Variants in STAT3 observed in about 807,000 individuals in gnomAD.
STAT3 encodes the protein signal transducer and activator of transcription 3.
STAT3 carries 7 observed loss-of-function variants against 114.3 expected under a neutral mutation model. That is an observed-to-expected ratio of 0.06 (90% CI 0.03 to 0.11). STAT3 has a LOEUF of 0.11. Ranked by LOEUF, STAT3 falls within the 10% of genes least tolerant of loss-of-function variation. The pLI is 1.00. For synonymous variants in STAT3, 331 were observed against 354.5 expected (o/e 0.93, Z 0.74); for missense variants, 364 against 960.9 (o/e 0.38, Z 8.21).
At chr17:42,322,558 GCCCATTTTTTCTTT>G (rs1268610425) in intron 20 of STAT3, 64 bp from the exon 21 acceptor site, 1 of 1,579,982 alleles carries the variant, frequency 6.3e-7, no homozygotes, top group Non-Finnish European at 8.7e-7. Context: ...AGAGAAAACT[GCCCATTTTTTCTTT>G]CCTCGAAGGG....
At chr17:42,320,130 C>T (rs1357954127) in intron 21 of STAT3, among the ~76,000 whole-genome samples, 2 of 152,108 alleles carry the variant, frequency 1.3e-5, no homozygotes, top group Non-Finnish European at 2.9e-5. Flanking sequence ...GTGGCAGGGG[C>T]TGATAAACAG....
At chr17:42,345,324 C>T in intron 4 of STAT3, 1 of 499,282 alleles carries the variant, frequency 2.0e-6, no homozygotes, top group Non-Finnish European at 3.5e-6. Context: ...AACTTTTAAA[C>T]CATTGGGTCT....
chr17:42,315,481 C>T lies in STAT3; in HGVS notation c.*264G>A. 1 of 579,500 alleles carries T rather than the reference C, an allele frequency of 1.7e-6. No homozygotes were observed. Among genetic ancestry groups the T allele is most frequent in the South Asian group, 2.0e-5 (1 of 49,438 alleles). The allele number at this position is 579,500 out of a possible 1,614,324, so 35.9% of individuals were successfully genotyped here. A position where few individuals can be genotyped will look rare whatever the true frequency, so the allele number is the denominator to read the frequency against. On this transcript the variant is annotated 3_prime_UTR_variant, in exon 24 of 24. Transcript: ENST00000264657. ...CATTTCCTTTTTCTCCCTCTAGCCA[C>T]CCCCCGCCACATCCCCTGATCATGG...
intron 1 of STAT3, among the ~76,000 whole-genome samples, chr17:42,380,367 C>T (rs2084712229): frequency 6.6e-6 from 1 of 150,574 alleles, no homozygotes; most frequent in South Asian, 2.1e-4. Flanking sequence ...ATAAGCGTTA[C>T]CACCCTAATT....
At chr17:42,381,166 C>CT (rs1329469748) in intron 1 of STAT3, among the ~76,000 whole-genome samples, 1 of 152,142 alleles carries the variant, frequency 6.6e-6, no homozygotes, top group Admixed American at 6.6e-5. Context: ...CTTTTAACTG[C>CT]TATAGTAACT....
intron 1 of STAT3, among the ~76,000 whole-genome samples, chr17:42,369,249 T>G (rs2083971746): frequency 6.6e-6 from 1 of 152,070 alleles, no homozygotes; most frequent in African/African-American, 2.4e-5. Context: ...TCCCAGCTAC[T>G]CGGGAGGCTG....
Position 42,333,606 on chromosome 17 carries a change from C to T in STAT3, c.1049+67G>A. ...TGGAAAGAATGACCCTGGCCACCAA[C>T]TCTACCCTCACCCTAACAGTGTCCC... On this transcript the variant is annotated intron_variant, in intron 10 of 23. Transcript: ENST00000264657. The surrounding 1 kb of genome is among the most constrained non-coding windows in gnomAD (Gnocchi z 5.2). The T allele has an allele frequency of 1.3e-6, 2 of 1,580,856 alleles. No individual in the cohort carries two copies. Among genetic ancestry groups the T allele is most frequent in the Non-Finnish European group, 1.7e-6 (2 of 1,151,746 alleles).
rs1191155817 is a variant in STAT3, at chr17:42,323,020, C to A, written c.1872G>T (p.Val624=). Residue 624 remains valine (V), a synonymous_variant, in exon 20 of 24, where the codon GTG becomes GTT. Transcript: ENST00000264657. ...SKEGGVTFTW[V]EKDISGKTQI... is the part of the protein sequence containing the mutation. ...CTCCCTTACCGCTGATGTCCTTCTC[C>A]ACCCAAGTGAAAGTGACGCCTCCTT... 1 of 1,613,962 alleles carries A rather than the reference C, an allele frequency of 6.2e-7. No individual in the cohort carries two copies. The highest frequency in any genetic ancestry group is 8.5e-7 in the Non-Finnish European group (1 of 1,180,048).
rs112661387 is a variant in STAT3, at chr17:42,328,963, G to A, written c.1281+447C>T. Among the ~76,000 whole-genome samples, 571 of 152,274 alleles carry A rather than the reference G, an allele frequency of 3.7e-3. 4 individuals are homozygous for A. Among genetic ancestry groups the A allele is most frequent in the Non-Finnish European group, 6.5e-3 (444 of 68,006 alleles). On this transcript the variant is annotated intron_variant, in intron 14 of 23. Coordinates refer to ENST00000264657, the MANE Select transcript of STAT3 (RefSeq NM_139276.3). The stretch of plus-strand genomic sequence containing the variant: ...GTACTCTTTTCCTAAGCAAGCTAAT[G>A]CAAGGTGGTCATTTATTTTAAAGTT...
At chr17:42,339,451 T>C in intron 4 of STAT3, 42 bp from the exon 5 acceptor site, 1 of 1,597,122 alleles carries the variant, frequency 6.3e-7, no homozygotes, top group Non-Finnish European at 8.6e-7. Context: ...CACAGAACTA[T>C]GGGGAGAGGA....
rs1219470593 is a variant in STAT3 at position 42,388,296 on chromosome 17, G to A, written c.-41C>T. ...CCCTTCACCTGTTTCTCCGGCAGAG[G>A]CCGAGAGGCCGGGGCTGCGCGTGTG... On this transcript the variant is annotated 5_prime_UTR_variant, in exon 1 of 24. Transcript: ENST00000264657. 1.6e-6 allele frequency: 2 copies of A among 1,231,498 alleles called. No individual in the cohort carries two copies. The highest frequency in any genetic ancestry group is 2.0e-6 in the Non-Finnish European group (2 of 988,022). The allele number at this position is 1,231,498 out of a possible 1,614,324, so 76.3% of individuals were successfully genotyped here.
rs886052930 is a variant in STAT3 at position 42,313,404 on chromosome 17, C to CA, written c.*2340dup. 37 of 144,322 alleles carry CA rather than the reference C, an allele frequency of 2.6e-4. No homozygotes were observed. Among genetic ancestry groups the CA allele is most frequent in the Middle Eastern group, 2.5e-3 (1 of 398 alleles). The allele number at this position is 144,322 out of a possible 1,614,324, so 8.9% of individuals were successfully genotyped here. ...CAAAAAAAAAAAAAAAAAAAAAAGA[C>CA]AAAAAACCTCACAATAATATAAATT... On this transcript the variant is annotated 3_prime_UTR_variant, in exon 24 of 24. Coordinates refer to ENST00000264657, the MANE Select transcript of STAT3 (RefSeq NM_139276.3).
At chr17:42,378,261 G>T in intron 1 of STAT3, among the ~76,000 whole-genome samples, 1 of 143,728 alleles carries the variant, frequency 7.0e-6, no homozygotes, top group African/African-American at 2.6e-5. Flanking sequence ...TGTTTTTTTG[G>T]TTGTTTGAGA....
intron 1 of STAT3, among the ~76,000 whole-genome samples, chr17:42,372,078 G>A (rs2084182062): frequency 6.6e-6 from 1 of 152,200 alleles, no homozygotes; most frequent in African/African-American, 2.4e-5. Flanking sequence ...AAATGCTGGT[G>A]AAGATGTGGA....
At chr17:42,320,727 T>TAAAA (rs756271214) in intron 21 of STAT3, among the ~76,000 whole-genome samples, 13 of 60,048 alleles carry the variant, frequency 2.2e-4, no homozygotes, top group South Asian at 6.0e-4. Flanking sequence ...AGACTTAGTC[T>TAAAA]AAAAAAAAAA....
intron 1 of STAT3, among the ~76,000 whole-genome samples, chr17:42,349,088 T>C (rs1253279116): frequency 6.6e-6 from 1 of 152,122 alleles, no homozygotes; most frequent in Non-Finnish European, 1.5e-5. Context: ...GGTCTTGAAC[T>C]CCTGGGCTCA....
chr17:42,380,095 C>T (rs146815381), intron 1 of STAT3, among the ~76,000 whole-genome samples: 148 of 152,162 alleles, frequency 9.7e-4, no homozygotes, highest in African/African-American at 3.3e-3. Flanking sequence ...AGTGCAGCGG[C>T]GCGATCTCAG....
chr17:42,363,699 A>G (rs1437082097), intron 1 of STAT3, among the ~76,000 whole-genome samples: 2 of 147,104 alleles, frequency 1.4e-5, no homozygotes, highest in African/African-American at 2.5e-5. Flanking sequence ...TTGTCCTCCT[A>G]CCTCGGCCTC....
intron 1 of STAT3, among the ~76,000 whole-genome samples, chr17:42,378,668 T>C (rs1451797742): frequency 6.6e-6 from 1 of 152,238 alleles, no homozygotes. Flanking sequence ...ATGAAATATT[T>C]ATTATGTCTA....
Sources: allele counts gnomAD v4.1 joint callset (sites outside exome capture counted in the v4.1 genomes callset), GRCh38; gene constraint gnomAD v4.1.1; non-coding constraint Gnocchi (gnomAD v3.1); transcripts MANE v1.5; gene names NCBI Gene and HGNC (gene_info 2026-07-23, HGNC 2026-07-21).